The following WDR64 variants were observed in gnomAD, a reference collection of about 807,000 sequenced individuals.
WDR64 encodes WD repeat domain 64.
A neutral mutation model predicts 139.3 loss-of-function variants in WDR64; 112 were observed. That is an observed-to-expected ratio of 0.80 (90% CI 0.69 to 0.94). WDR64 has a LOEUF of 0.94. WDR64 is among the 40% of genes least tolerant of loss of function. WDR64 has a pLI of 0.00. For synonymous variants in WDR64, 444 were observed against 437.7 expected (o/e 1.01, Z -0.18); for missense variants, 1,206 against 1,293.1 (o/e 0.93, Z 1.03).
intron 27 of WDR64, among the ~76,000 whole-genome samples, chr1:241,800,402 T>C (rs978188507): frequency 8.5e-4 from 130 of 152,228 alleles, no homozygotes; most frequent in Non-Finnish European, 1.3e-3. Flanking sequence ...ATTGTGAATA[T>C]TGGTTGAACA....
rs1435949132 is a variant in WDR64, at chr1:241,656,895, TGTG to T, written c.146-3634_146-3632del. Reference sequence around the variant, plus strand: ...TTGTGTGTGTGTGTGTGTGTGTGTGTGTGTGTGTGTGTGTGTCTGTCTGGGGAT... The same window carrying T: ...TTGTGTGTGTGTGTGTGTGTGTGTGTTGTGTGTGTGTGTCTGTCTGGGGAT... On this transcript the variant is annotated intron_variant, in intron 1 of 27. Coordinates refer to ENST00000437684, the MANE Select transcript of WDR64 (RefSeq NM_001367482.1). This position sits in a 1 kb window ranked among gnomAD's most constrained non-coding sequence, Gnocchi z 4.3. 4.0e-4 allele frequency among the ~76,000 whole-genome samples: 61 copies of T among 151,298 alleles called. No homozygotes were observed. Among genetic ancestry groups the T allele is most frequent in the African/African-American group, 1.4e-3 (57 of 41,014 alleles).
rs1189952545 is a variant in WDR64 at position 241,656,578 on chromosome 1, ATCT to A, written c.146-3946_146-3944del. On this transcript the variant is annotated intron_variant, in intron 1 of 27. Transcript: ENST00000437684. The surrounding 1 kb of genome is among the most constrained non-coding windows in gnomAD (Gnocchi z 4.3). The stretch of plus-strand genomic sequence containing the variant: ...ATAGAGTGCTTTATTTTCCCCAACA[ATCT>A]TCTTCCCATTGCCTTGCTTTTGGTA... Among the ~76,000 whole-genome samples the A allele has an allele frequency of 3.9e-5, 6 of 152,282 alleles. No homozygotes were observed. Among genetic ancestry groups the A allele is most frequent in the African/African-American group, 1.4e-4 (6 of 41,566 alleles).
Position 241,787,520 on chromosome 1 carries a change from C to A in WDR64, c.2706-329C>A, listed in dbSNP as rs554134400. Among the ~76,000 whole-genome samples, 16 of 151,874 alleles carry A rather than the reference C, an allele frequency of 1.1e-4. 1 individual carries two copies. The Middle Eastern group carries it at 0.017, about 161-fold the overall frequency. On this transcript the variant is annotated intron_variant, in intron 23 of 27. Coordinates refer to ENST00000437684, the MANE Select transcript of WDR64 (RefSeq NM_001367482.1). ...TCTCTACTAAAAATACAAGAATTAGCCAAGTATGGTGGTGGGCTTCTGTAA... is the reference window on the plus strand; with the variant it reads ...TCTCTACTAAAAATACAAGAATTAGACAAGTATGGTGGTGGGCTTCTGTAA...
intron 10 of WDR64, among the ~76,000 whole-genome samples, chr1:241,736,997 A>G (rs961361710): frequency 1.9e-4 from 29 of 152,348 alleles, no homozygotes; most frequent in African/African-American, 5.8e-4. Context: ...ATAAAATAAA[A>G]AACAGTTTGC....
intron 10 of WDR64, among the ~76,000 whole-genome samples, chr1:241,734,952 T>C (rs1044339029): frequency 2.0e-5 from 3 of 152,182 alleles, no homozygotes; most frequent in African/African-American, 7.2e-5. Context: ...CATACCCCTG[T>C]CCTTAAGCAG....
chr1:241,660,546 C>A lies in WDR64; in HGVS notation c.162C>A (p.Asp54Glu). The A allele has an allele frequency of 6.4e-7, 1 of 1,551,618 alleles. No homozygotes were observed. Among genetic ancestry groups the A allele is most frequent in the Non-Finnish European group, 8.7e-7 (1 of 1,146,782 alleles). Reference protein sequence around the residue: ...FIHKEDAIGYDKFYASVQKLF... With the variant: ...FIHKEDAIGYEKFYASVQKLF... ...TCAATGCAGATGCAATTGGTTATGA[C>A]AAGTTTTATGCATCGGTACAGAAGC... is the stretch of plus-strand genomic sequence containing the variant. The change falls in exon 2 of 28, where the codon GAC becomes GAA. Residue 54 changes from aspartate to glutamate, a missense_variant. Asp to Glu is a conservative substitution (Grantham distance 45, BLOSUM62 2). Transcript: ENST00000437684.
At chr1:241,794,754 G>A (rs545616975) in intron 25 of WDR64, among the ~76,000 whole-genome samples, 225 of 152,028 alleles carry the variant, frequency 1.5e-3, no homozygotes, top group Non-Finnish European at 2.0e-3. Flanking sequence ...TGATCTGCCC[G>A]CCTCGGCCTC....
In WDR64 at chr1:241,765,642, G is replaced by C. The variant is rs1043770791; in HGVS notation, c.1948-576G>C. Reference sequence around the variant, plus strand: ...TCTATGATCCTGTCAAGTTACATGCGTGCCTCCCTCCGATACAGCACTTTC... The same window carrying C: ...TCTATGATCCTGTCAAGTTACATGCCTGCCTCCCTCCGATACAGCACTTTC... On this transcript the variant is annotated intron_variant, in intron 15 of 27. Transcript: ENST00000437684. Among the ~76,000 whole-genome samples, 4 of 152,036 alleles carry C rather than the reference G, an allele frequency of 2.6e-5. 1 individual carries two copies. Among genetic ancestry groups the C allele is most frequent in the African/African-American group, 9.7e-5 (4 of 41,402 alleles).
intron 4 of WDR64, chr1:241,676,424 T>C (rs1227525863): frequency 6.6e-6 from 1 of 152,240 alleles, no homozygotes; most frequent in African/African-American, 2.4e-5. Flanking sequence ...ATTTGCCTCA[T>C]TTATATATAA....
intron 10 of WDR64, among the ~76,000 whole-genome samples, chr1:241,723,855 T>C (rs902186382): frequency 2.0e-5 from 3 of 152,062 alleles, no homozygotes; most frequent in Non-Finnish European, 4.4e-5. Flanking sequence ...ATAATGGGAT[T>C]ACCTGCTTGA....
chr1:241,750,568 T>C (rs1326354539), intron 14 of WDR64, among the ~76,000 whole-genome samples: 1 of 152,262 alleles, frequency 6.6e-6, no homozygotes, highest in African/African-American at 2.4e-5. Flanking sequence ...TGTTGACTTT[T>C]GCTTTACAAA....
intron 4 of WDR64, chr1:241,677,272 G>T: frequency 2.5e-6 from 1 of 398,206 alleles, no homozygotes; most frequent in South Asian, 1.3e-4. Context: ...AAGAGAAACA[G>T]AAACCACAGG....
At chr1:241,787,315 G>A (rs1291075584) in intron 23 of WDR64, among the ~76,000 whole-genome samples, 15 of 145,734 alleles carry the variant, frequency 1.0e-4, no homozygotes, top group Admixed American at 6.3e-4. Flanking sequence ...AGTGAGCCGA[G>A]ATGGCACCAC....
At chr1:241,724,427 A>C (rs1034935680) in intron 10 of WDR64, among the ~76,000 whole-genome samples, 3 of 152,340 alleles carry the variant, frequency 2.0e-5, no homozygotes, top group Admixed American at 6.5e-5. Flanking sequence ...ACATCTATGA[A>C]GCAAAGGAGA....
At chr1:241,780,083 C>T (rs1488323812) in intron 22 of WDR64, 21 bp downstream of exon 22, 5 of 1,578,294 alleles carry the variant, frequency 3.2e-6, no homozygotes, top group Admixed American at 1.9e-5. Flanking sequence ...CAGTTTTCCA[C>T]TTTAATTTAT....
At chr1:241,786,235 A>G (rs1346211712) in intron 23 of WDR64, among the ~76,000 whole-genome samples, 1 of 152,188 alleles carries the variant, frequency 6.6e-6, no homozygotes, top group Non-Finnish European at 1.5e-5. Flanking sequence ...CCTTCTCAAC[A>G]TCTACCTCTC....
chr1:241,789,158 G>C (rs1215088768), intron 24 of WDR64, among the ~76,000 whole-genome samples: 2 of 152,064 alleles, frequency 1.3e-5, no homozygotes, highest in Non-Finnish European at 2.9e-5. Flanking sequence ...GAGCAGATGT[G>C]AATGGTAGAC....
intron 3 of WDR64, among the ~76,000 whole-genome samples, chr1:241,672,542 G>A (rs139733474): frequency 3.0e-4 from 46 of 152,292 alleles, no homozygotes; most frequent in African/African-American, 9.4e-4. Context: ...GAGACAGAGC[G>A]GTGAACAAAC....
At chr1:241,732,116 C>A (rs79343569) in intron 10 of WDR64, among the ~76,000 whole-genome samples, 1 of 151,986 alleles carries the variant, frequency 6.6e-6, no homozygotes, top group Non-Finnish European at 1.5e-5. Flanking sequence ...CTCTTGTAGC[C>A]GTTGGGTAAA....
Sources: allele counts gnomAD v4.1 joint callset (sites outside exome capture counted in the v4.1 genomes callset), GRCh38; gene constraint gnomAD v4.1.1; non-coding constraint Gnocchi (gnomAD v3.1); transcripts MANE v1.5; gene names NCBI Gene and HGNC (gene_info 2026-07-23, HGNC 2026-07-21).